NT5E: variants seen among roughly 807,000 people sequenced by gnomAD.
The protein encoded by NT5E is 5'-nucleotidase ecto, also known as 5'-nucleotidase.
Under a neutral mutation model 55.1 loss-of-function variants are expected in NT5E, and 53 were observed. The ratio of observed to expected loss-of-function variants is 0.96; its 90% CI spans 0.77 to 1.21. The LOEUF is 1.21. NT5E is among the 50% of genes most tolerant of loss of function. The pLI is 0.00. For synonymous variants in NT5E, 270 were observed against 278.4 expected (o/e 0.97, Z 0.30); for missense variants, 683 against 724.3 (o/e 0.94, Z 0.65).
chr6:85,470,136 A>G (rs910469919), intron 2 of NT5E, among the ~76,000 whole-genome samples: 1 of 152,234 alleles, frequency 6.6e-6, no homozygotes. Flanking sequence ...AGTACCAGAC[A>G]TGACTTCAGG....
At chr6:85,479,754 C>G (rs1769505234) in intron 3 of NT5E, among the ~76,000 whole-genome samples, 1 of 152,192 alleles carries the variant, frequency 6.6e-6, no homozygotes, top group South Asian at 2.1e-4. Context: ...GTCTCTCTCT[C>G]TCTCTCCACC....
chr6:85,459,149 A>AGAGAGAG (rs1303997280), intron 1 of NT5E, among the ~76,000 whole-genome samples: 1 of 152,198 alleles, frequency 6.6e-6, no homozygotes, highest in African/African-American at 2.4e-5. Flanking sequence ...AGACAGAGAG[A>AGAGAGAG]GAGAGAGTCT....
At chr6:85,452,011 A>G (rs770119169) in intron 1 of NT5E, among the ~76,000 whole-genome samples, 1 of 152,192 alleles carries the variant, frequency 6.6e-6, no homozygotes, top group Admixed American at 6.5e-5. Flanking sequence ...TTCAGAGTTG[A>G]TGAGGTGGGG....
At chr6:85,480,085 C>G (rs1224888510) in intron 3 of NT5E, among the ~76,000 whole-genome samples, 4 of 152,114 alleles carry the variant, frequency 2.6e-5, no homozygotes, top group Admixed American at 2.6e-4. Context: ...ATCCAAAATG[C>G]TGGGCACTCA....
chr6:85,466,265 G>A (rs899780166), intron 1 of NT5E, among the ~76,000 whole-genome samples: 2 of 152,158 alleles, frequency 1.3e-5, no homozygotes, highest in Non-Finnish European at 2.9e-5. Flanking sequence ...TGAGGAATGG[G>A]AGAGAGATAA....
intron 1 of NT5E, among the ~76,000 whole-genome samples, chr6:85,464,152 C>G (rs1156646185): frequency 7.4e-6 from 1 of 135,458 alleles, no homozygotes; most frequent in Non-Finnish European, 1.5e-5. Flanking sequence ...AGGTTAAGAA[C>G]TTTGGAATCA....
In NT5E at chr6:85,485,261, G is replaced by A. The variant is rs565537252; in HGVS notation, c.778G>A (p.Ala260Thr). The A allele has an allele frequency of 1.9e-6, 3 of 1,614,078 alleles. No homozygotes were observed. The highest frequency in any genetic ancestry group is 2.5e-6 in the Non-Finnish European group (3 of 1,180,030). The change falls in exon 4 of 9, where the codon GCT becomes ACT. Residue 260 changes from alanine (A) to threonine (T), a missense_variant. Ala to Thr is a moderately conservative substitution (Grantham distance 58, BLOSUM62 0). Transcript: ENST00000257770. ...CAATCCACCTTCCAAAGAGGTGCCT[G>A]CTGGGAAGTACCCATTCATAGTCAC... Reference protein sequence around the residue: ...TGNPPSKEVPAGKYPFIVTSD... With the variant: ...TGNPPSKEVPTGKYPFIVTSD...
At chr6:85,480,931 T>G (rs1769536931) in intron 3 of NT5E, among the ~76,000 whole-genome samples, 1 of 152,276 alleles carries the variant, frequency 6.6e-6, no homozygotes, top group East Asian at 1.9e-4. Context: ...CCCATTCTCC[T>G]GTATCCCAAC....
At chr6:85,489,444 TAAGGAAG>T (rs763769219) in intron 5 of NT5E, 43 bp from the exon 6 acceptor site, 5 of 1,341,146 alleles carry the variant, frequency 3.7e-6, no homozygotes, top group Non-Finnish European at 5.3e-6. Context: ...GAGCTGATCC[TAAGGAAG>T]AAGAGCCAGA....
At chr6:85,471,449 T>C (rs2127721268) in intron 3 of NT5E, 24 bp downstream of exon 3, 2 of 1,604,132 alleles carry the variant, frequency 1.2e-6, no homozygotes, top group Non-Finnish European at 1.7e-6. Flanking sequence ...AAGGATTGCA[T>C]GGGCCAGGAT....
rs759247164 is a variant in NT5E at position 85,490,691 on chromosome 6, A to G, written c.1360+34A>G. 7.4e-6 allele frequency: 12 copies of G among 1,612,016 alleles called. No homozygotes were observed. The South Asian group carries it at 9.9e-5, about 13-fold the overall frequency. On this transcript the variant is annotated intron_variant, in intron 7 of 8. Coordinates refer to ENST00000257770, the MANE Select transcript of NT5E (RefSeq NM_002526.4). ...CCCATCCTGTAGGGCTGGCCCATCC[A>G]AAGTGACATGGCATTTCCTGCTGGT...
chr6:85,453,627 G>A (rs1010830322), intron 1 of NT5E, among the ~76,000 whole-genome samples: 12 of 152,264 alleles, frequency 7.9e-5, no homozygotes, highest in African/African-American at 2.6e-4. Context: ...CTTTGAGCAG[G>A]TCTCTAGGGT....
In NT5E at chr6:85,485,342, C is replaced by G; in HGVS notation, c.859C>G (p.Leu287Val). Residue 287 changes from leucine to valine, a missense_variant, in exon 4 of 9, where the codon CTA (leucine) becomes GTA (valine). Coordinates refer to ENST00000257770, the MANE Select transcript of NT5E (RefSeq NM_002526.4). ...CCAGGCCTATGCTTTTGGCAAATAC[C>G]TAGGCTATCTGAAGATCGAGTTTGA... Reference protein sequence around the residue: ...VVQAYAFGKYLGYLKIEFDER... With the variant: ...VVQAYAFGKYVGYLKIEFDER... 8 of 1,614,130 alleles carry G rather than the reference C, an allele frequency of 5.0e-6. No individual in the cohort carries two copies. The highest frequency in any genetic ancestry group is 6.8e-6 in the Non-Finnish European group (8 of 1,179,976).
intron 6 of NT5E, 91 bp downstream of exon 6, chr6:85,489,690 C>A: frequency 1.1e-6 from 1 of 886,944 alleles, no homozygotes. Context: ...CACCCATGTG[C>A]AGCCTCAGTT....
intron 3 of NT5E, among the ~76,000 whole-genome samples, chr6:85,472,710 TA>T (rs1769339810): frequency 1.3e-5 from 2 of 152,228 alleles, no homozygotes; most frequent in Non-Finnish European, 2.9e-5. Flanking sequence ...TGCCTGCTTA[TA>T]AAAATATGTC....
Position 85,485,369 on chromosome 6 carries a change from GA to G in NT5E, c.889del (p.Arg297GlufsTer14). On this transcript the variant is annotated frameshift_variant, in exon 4 of 9. Coordinates refer to ENST00000257770, the MANE Select transcript of NT5E (RefSeq NM_002526.4). LOFTEE classifies it high-confidence loss of function. ...YLGYLKIEFD[E>X]RGNVISSHGN... ...AGGCTATCTGAAGATCGAGTTTGAT[GA>G]AAGAGGAAACGTCATCTCTTCCCAT... 6.2e-7 allele frequency: 1 copy of G among 1,614,208 alleles called. No homozygotes were observed. Among genetic ancestry groups the G allele is most frequent in the South Asian group, 1.1e-5 (1 of 91,082 alleles).
chr6:85,467,396 C>G (rs1769218432), intron 2 of NT5E, 114 bp downstream of exon 2: 10 of 846,440 alleles, frequency 1.2e-5, no homozygotes, highest in Non-Finnish European at 2.0e-5. Context: ...AAATAGTGCA[C>G]TAGAATAACA....
intron 3 of NT5E, among the ~76,000 whole-genome samples, chr6:85,478,714 T>C (rs1249559446): frequency 6.6e-6 from 1 of 151,304 alleles, no homozygotes; most frequent in Non-Finnish European, 1.5e-5. Context: ...ATTAGACATA[T>C]ATGATCTGTT....
intron 3 of NT5E, among the ~76,000 whole-genome samples, chr6:85,482,724 G>T (rs538402787): frequency 6.6e-6 from 1 of 152,356 alleles, no homozygotes; most frequent in Non-Finnish European, 1.5e-5. Context: ...GACAAGTCAG[G>T]TTTCTAAAGA....
Sources: allele counts gnomAD v4.1 joint callset (sites outside exome capture counted in the v4.1 genomes callset), GRCh38; gene constraint gnomAD v4.1.1; transcripts MANE v1.5; gene names NCBI Gene and HGNC (gene_info 2026-07-23, HGNC 2026-07-21).